The following TBXAS1 variants were observed in gnomAD, a reference collection of about 807,000 sequenced individuals.
TBXAS1 encodes the protein thromboxane A synthase 1.
In TBXAS1, 48 loss-of-function variants were observed where a neutral mutation model predicts 60.7. The observed-to-expected ratio is 0.79, with a 90% CI of 0.63 to 1.01. The LOEUF is 1.01. Ranked by LOEUF, TBXAS1 falls within the 50% of genes least tolerant of loss-of-function variation. The pLI is 0.00. For synonymous variants in TBXAS1, 287 were observed against 269.7 expected (o/e 1.06, Z -0.63); for missense variants, 685 against 686.3 (o/e 1.00, Z 0.02).
chr7:139,957,650 A>G lies in TBXAS1; in HGVS notation c.705A>G (p.Ile235Met). Residue 235 changes from isoleucine to methionine, a missense_variant, in exon 8 of 13, where the codon ATA (isoleucine) becomes ATG (methionine). Transcript: ENST00000448866. ...ILVLLLSFPS[I>M]MVPLARILPN... is the part of the protein sequence containing the mutation. ...TCTTTCAAGTATCATTTCCATCCAT[A>G]ATGGTCCCACTGGCCCGGATTTTGC... is the stretch of plus-strand genomic sequence containing the variant. 2 of 1,614,064 alleles carry G rather than the reference A, an allele frequency of 1.2e-6. No homozygotes were observed. Among genetic ancestry groups the G allele is most frequent in the Non-Finnish European group, 1.7e-6 (2 of 1,180,016 alleles).
At position 139,896,362 on chromosome 7, in the gene TBXAS1, A is replaced by G. The variant is rs2116961214; in HGVS notation, c.237-14863A>G. ...CCAAACTAACAAGAGGGCAGCCGGC[A>G]CTTTAGAGGGTAAATACTTGCAAAG... On this transcript the variant is annotated intron_variant, in intron 3 of 12. Transcript: ENST00000448866. This position sits in a 1 kb window ranked among gnomAD's most constrained non-coding sequence, Gnocchi z 4.0. Among the ~76,000 whole-genome samples the G allele has an allele frequency of 6.6e-6, 1 of 152,336 alleles. No homozygotes were observed. The highest frequency in any genetic ancestry group is 1.9e-4 in the East Asian group (1 of 5,178).
At position 139,975,019 on chromosome 7, in the gene TBXAS1, T is replaced by A. The variant is rs577924791; in HGVS notation, c.1134+12786T>A. On this transcript the variant is annotated intron_variant, in intron 9 of 12. Coordinates refer to ENST00000448866, the MANE Select transcript of TBXAS1 (RefSeq NM_001061.7). This position sits in a 1 kb window ranked among gnomAD's most constrained non-coding sequence, Gnocchi z 4.4. ...CATGTAATTTATGGAGTTTGGCAAG[T>A]GTGAAGTCTGCAGGGCAGGCTGGCA... Among the ~76,000 whole-genome samples the A allele has an allele frequency of 6.6e-6, 1 of 152,270 alleles. No homozygotes were observed. Among genetic ancestry groups the A allele is most frequent in the East Asian group, 1.9e-4 (1 of 5,188 alleles).
At chr7:139,996,550 C>G (rs1585029950) in intron 9 of TBXAS1, among the ~76,000 whole-genome samples, 1 of 152,356 alleles carries the variant, frequency 6.6e-6, no homozygotes. Context: ...TCTCCTTCCC[C>G]TGGAAGATGC....
chr7:139,846,573 C>T (rs530794408), intron 1 of TBXAS1, among the ~76,000 whole-genome samples: 5 of 152,266 alleles, frequency 3.3e-5, no homozygotes, highest in South Asian at 4.1e-4. Context: ...ACTGCATAGA[C>T]GCTGGGCAGC....
chr7:139,794,386 C>T (rs1008886650), intron 4 of TBXAS1, among the ~76,000 whole-genome samples: 2 of 152,164 alleles, frequency 1.3e-5, no homozygotes, highest in Non-Finnish European at 2.9e-5. Context: ...AGGCATCAGC[C>T]ACCACACCCA....
intron 8 of TBXAS1, among the ~76,000 whole-genome samples, chr7:139,960,232 T>C (rs1409478415): frequency 1.3e-5 from 2 of 152,170 alleles, no homozygotes; most frequent in Non-Finnish European, 2.9e-5. Context: ...TGGGGTGCAG[T>C]AGAGCTGCAA....
chr7:139,867,229 A>G (rs1011867789), intron 1 of TBXAS1, among the ~76,000 whole-genome samples: 6 of 152,222 alleles, frequency 3.9e-5, no homozygotes, highest in African/African-American at 1.4e-4. Context: ...TGCCAAGGGA[A>G]TCTTTCACCA....
At chr7:139,932,699 A>G (rs1200068556) in intron 4 of TBXAS1, among the ~76,000 whole-genome samples, 1 of 152,196 alleles carries the variant, frequency 6.6e-6, no homozygotes, top group African/African-American at 2.4e-5. Context: ...ACATGATTCA[A>G]TGTCCCCTTA....
At chr7:139,914,200 T>A (rs114887166) in intron 4 of TBXAS1, among the ~76,000 whole-genome samples, 15,470 of 146,694 alleles carry the variant, frequency 0.11, 927 homozygotes, top group East Asian at 0.21. Context: ...TGGCTAATTT[T>A]AAAAAAAAAA....
At chr7:139,863,710 A>G (rs1367060067) in intron 1 of TBXAS1, among the ~76,000 whole-genome samples, 2 of 152,218 alleles carry the variant, frequency 1.3e-5, no homozygotes, top group East Asian at 3.8e-4. Context: ...AGTTAAAAGA[A>G]AACAACAAGG....
chr7:139,828,082 C>A (rs879734090), upstream of TBXAS1, among the ~76,000 whole-genome samples: 1 of 152,156 alleles, frequency 6.6e-6, no homozygotes, highest in African/African-American at 2.4e-5. Context: ...GTTTTCCAAG[C>A]TTTTAGAATT....
chr7:139,984,710 G>GA lies in TBXAS1; in HGVS notation c.1135-22380dup, dbSNP rs1812261110. 2.2e-5 allele frequency among the ~76,000 whole-genome samples: 3 copies of GA among 133,358 alleles called. No individual in the cohort carries two copies. In the Admixed American group the frequency reaches 2.4e-4, roughly 11 times the overall value. 87.5% of individuals were successfully genotyped at this position (133,358 alleles called of 152,430 possible). On this transcript the variant is annotated intron_variant, in intron 9 of 12. Transcript: ENST00000448866. Reference sequence around the variant, plus strand: ...GAAAGAAAGAAGAAAGAAAAAGAAAGAGGAAGGAAGGAAAAGAAAGAAAGA... The same window carrying GA: ...GAAAGAAAGAAGAAAGAAAAAGAAAGAAGGAAGGAAGGAAAAGAAAGAAAGA...
chr7:139,914,692 C>T (rs939201304), intron 4 of TBXAS1, among the ~76,000 whole-genome samples: 1 of 152,184 alleles, frequency 6.6e-6, no homozygotes, highest in Admixed American at 6.5e-5. Context: ...CCTCCATCCA[C>T]ATGCACTTTT....
chr7:139,836,370 A>C (rs1232712764), intron 1 of TBXAS1, among the ~76,000 whole-genome samples: 2 of 152,238 alleles, frequency 1.3e-5, no homozygotes, highest in East Asian at 3.8e-4. Context: ...AGCAAGACTA[A>C]GCAAAAAGAA....
intron 9 of TBXAS1, among the ~76,000 whole-genome samples, chr7:139,974,395 G>C (rs1013253350): frequency 1.3e-5 from 2 of 152,118 alleles, no homozygotes; most frequent in Non-Finnish European, 2.9e-5. Context: ...CCCTCACACC[G>C]GGCCAACCTG....
chr7:139,791,924 G>C (rs961290776), intron 4 of TBXAS1, among the ~76,000 whole-genome samples: 13 of 150,794 alleles, frequency 8.6e-5, no homozygotes, highest in African/African-American at 3.2e-4. Flanking sequence ...AAAAAGAAGT[G>C]AAGAAGAATG....
At chr7:139,967,208 T>C (rs894072236) in intron 9 of TBXAS1, among the ~76,000 whole-genome samples, 2 of 152,200 alleles carry the variant, frequency 1.3e-5, no homozygotes. Context: ...ACACCCACAG[T>C]GGCCACCTTC....
chr7:139,865,986 A>T (rs1225274555), intron 1 of TBXAS1, among the ~76,000 whole-genome samples: 1 of 152,208 alleles, frequency 6.6e-6, no homozygotes, highest in Non-Finnish European at 1.5e-5. Context: ...AATATTTTTG[A>T]GAATGAAGAA....
chr7:139,781,457 G>A (rs1017164201), intron 2 of TBXAS1, among the ~76,000 whole-genome samples: 26 of 152,162 alleles, frequency 1.7e-4, no homozygotes, highest in African/African-American at 5.8e-4. Context: ...AGAAGTTGGA[G>A]GACAGCCAGG....
Sources: gnomAD v4.1 joint callset for allele counts (sites outside exome capture counted in the v4.1 genomes callset) on GRCh38, gnomAD v4.1.1 for gene constraint, Gnocchi (gnomAD v3.1) non-coding constraint, MANE v1.5 for transcripts, NCBI Gene and HGNC (gene_info 2026-07-23, HGNC 2026-07-21) for gene names.